The following SPIRE1 variants were observed in gnomAD, a reference collection of about 807,000 sequenced individuals.
SPIRE1 encodes the protein spire type actin nucleation factor 1.
In SPIRE1, 40 loss-of-function variants were observed where a neutral mutation model predicts 94.1. The ratio of observed to expected loss-of-function variants is 0.43; its 90% CI spans 0.33 to 0.55. SPIRE1 has a LOEUF of 0.55. Among genes scored for constraint, SPIRE1 ranks in the 20% least tolerant of loss-of-function variants. The pLI is 0.06. For missense variants in SPIRE1, 838 were observed against 975.2 expected (o/e 0.86, Z 1.87); for synonymous variants, 376 against 371.7 (o/e 1.01, Z -0.13).
chr18:12,645,573 C>T (rs1004153612), intron 1 of SPIRE1, among the ~76,000 whole-genome samples: 1 of 152,130 alleles, frequency 6.6e-6, no homozygotes, highest in Admixed American at 6.5e-5. Context: ...TTCAGACCTC[C>T]ATCATCTCCT....
At chr18:12,520,222 T>C (rs1042701260) in intron 4 of SPIRE1, among the ~76,000 whole-genome samples, 3 of 152,100 alleles carry the variant, frequency 2.0e-5, no homozygotes, top group Non-Finnish European at 4.4e-5. Flanking sequence ...ATACATAAAA[T>C]CTCTCTGCAA....
chr18:12,464,716 A>G, intron 11 of SPIRE1, 152 bp downstream of exon 11: 1 of 618,944 alleles, frequency 1.6e-6, no homozygotes, highest in Admixed American at 3.0e-5. Flanking sequence ...CCACTCTTGG[A>G]AAATAAGTAT....
rs771631716 is a variant in SPIRE1, at chr18:12,504,362, CCAGG to C, written c.972+2111_972+2114del. Among the ~76,000 whole-genome samples the C allele has an allele frequency of 7.5e-5, 9 of 120,800 alleles. No individual in the cohort carries two copies. The East Asian group carries it at 1.7e-3, about 23-fold the overall frequency. The allele number at this position is 120,800 out of a possible 152,430, so 79.2% of individuals were successfully genotyped here. ...TCTCTACTAAAAATACAAAAATTAGCCAGGCGTGGTGGCATGCGCCTGTAATCCT... is the reference window on the plus strand; with the variant it reads ...TCTCTACTAAAAATACAAAAATTAGCCGTGGTGGCATGCGCCTGTAATCCT... On this transcript the variant is annotated intron_variant, in intron 6 of 16. Transcript: ENST00000409402.
chr18:12,586,306 G>A (rs895816858), intron 2 of SPIRE1, among the ~76,000 whole-genome samples: 2 of 152,110 alleles, frequency 1.3e-5, no homozygotes, highest in Non-Finnish European at 2.9e-5. Flanking sequence ...TTTCACAACT[G>A]AGTTATTTTG....
intron 2 of SPIRE1, among the ~76,000 whole-genome samples, chr18:12,606,301 C>A (rs2036973914): frequency 6.6e-6 from 1 of 151,684 alleles, no homozygotes; most frequent in Admixed American, 6.6e-5. Flanking sequence ...GTGCCTAAAA[C>A]AACTGTCTGG....
intron 2 of SPIRE1, among the ~76,000 whole-genome samples, chr18:12,597,720 C>G (rs1449201695): frequency 1.3e-5 from 2 of 152,178 alleles, no homozygotes; most frequent in Non-Finnish European, 2.9e-5. Flanking sequence ...ATACGGTCTC[C>G]GCTGTTTTTT....
chr18:12,524,370 G>A (rs959540030), intron 4 of SPIRE1, among the ~76,000 whole-genome samples: 3 of 152,254 alleles, frequency 2.0e-5, no homozygotes, highest in East Asian at 1.9e-4. Context: ...GAATTTGGCC[G>A]ATGAGGTTTA....
At chr18:12,496,199 T>C in intron 6 of SPIRE1, 97 bp from the exon 7 acceptor site, 1 of 774,758 alleles carries the variant, frequency 1.3e-6, no homozygotes, top group South Asian at 1.6e-5. Context: ...ATAAAATTAG[T>C]GAAGTGTAAT....
intron 2 of SPIRE1, among the ~76,000 whole-genome samples, chr18:12,597,321 G>A (rs2036704831): frequency 6.6e-6 from 1 of 152,080 alleles, no homozygotes; most frequent in Admixed American, 6.6e-5. Flanking sequence ...CTGGTGGAGT[G>A]CAGCAGGCCT....
Position 12,657,520 on chromosome 18 carries a change from G to C in SPIRE1, c.337+10C>G. The C allele has an allele frequency of 1.6e-6, 2 of 1,230,444 alleles. No homozygotes were observed. The highest frequency in any genetic ancestry group is 2.0e-6 in the Non-Finnish European group (2 of 986,358). The allele number at this position is 1,230,444 out of a possible 1,614,324, so 76.2% of individuals were successfully genotyped here. ...AAGAACTACGAGGGAAAGGGGCCCG[G>C]CGGCCTCACCCGCAACTGGGGGCGG... On this transcript the variant is annotated intron_variant, in intron 1 of 16. Coordinates refer to ENST00000409402, the MANE Select transcript of SPIRE1 (RefSeq NM_001128626.2).
At chr18:12,595,597 G>C (rs1004834978) in intron 2 of SPIRE1, among the ~76,000 whole-genome samples, 2 of 152,204 alleles carry the variant, frequency 1.3e-5, no homozygotes, top group East Asian at 3.8e-4. Context: ...GCAGACATCT[G>C]AAGTTGTATC....
intron 10 of SPIRE1, among the ~76,000 whole-genome samples, chr18:12,467,621 C>T (rs1198609209): frequency 1.3e-5 from 2 of 152,188 alleles, no homozygotes; most frequent in Non-Finnish European, 2.9e-5. Flanking sequence ...CATCCCTGTG[C>T]CTCACACGTG....
At chr18:12,543,297 CA>C (rs1191616630) in intron 3 of SPIRE1, among the ~76,000 whole-genome samples, 3 of 151,948 alleles carry the variant, frequency 2.0e-5, no homozygotes, top group African/African-American at 7.2e-5. Context: ...CTTAAAGAAA[CA>C]AAACAAAAAA....
chr18:12,494,055 C>A (rs2143872101), intron 7 of SPIRE1, among the ~76,000 whole-genome samples: 2 of 152,120 alleles, frequency 1.3e-5, no homozygotes, highest in African/African-American at 4.8e-5. Context: ...CAAGTGTATG[C>A]CACTGCACAC....
chr18:12,512,382 G>T, intron 5 of SPIRE1, 72 bp downstream of exon 5: 1 of 1,029,476 alleles, frequency 9.7e-7, no homozygotes. Flanking sequence ...ATGAGACTCT[G>T]TCTCAAAAAA....
At chr18:12,656,496 C>T (rs45460897) in intron 1 of SPIRE1, 21,609 of 154,508 alleles carry the variant, frequency 0.14, 1,746 homozygotes, top group African/African-American at 0.2. Context: ...ATAACTATAA[C>T]CTTGAATATT....
intron 16 of SPIRE1, among the ~76,000 whole-genome samples, chr18:12,451,253 AG>A (rs2031223651): frequency 6.6e-6 from 1 of 152,094 alleles, no homozygotes; most frequent in East Asian, 1.9e-4. Flanking sequence ...AATTTTGACT[AG>A]TTTTCTCATC....
At chr18:12,500,916 T>C (rs1311016696) in intron 6 of SPIRE1, among the ~76,000 whole-genome samples, 4 of 151,374 alleles carry the variant, frequency 2.6e-5, no homozygotes, top group Non-Finnish European at 5.9e-5. Flanking sequence ...CTACTAAAAA[T>C]ACAAAATTAG....
At chr18:12,564,320 T>C (rs1463303373) in intron 2 of SPIRE1, among the ~76,000 whole-genome samples, 2 of 151,748 alleles carry the variant, frequency 1.3e-5, no homozygotes, top group East Asian at 1.9e-4. Flanking sequence ...AAGAAACTAC[T>C]AGGAGAATAA....
Sources: gnomAD v4.1 joint callset for allele counts (sites outside exome capture counted in the v4.1 genomes callset) on GRCh38, gnomAD v4.1.1 for gene constraint, MANE v1.5 for transcripts, NCBI Gene and HGNC (gene_info 2026-07-23, HGNC 2026-07-21) for gene names.